The following FAM184A variants were observed in gnomAD, a reference collection of about 807,000 sequenced individuals.
The protein encoded by FAM184A is family with sequence similarity 184 member A.
A neutral mutation model predicts 143.8 loss-of-function variants in FAM184A; 99 were observed. The observed-to-expected ratio is 0.69, with a 90% CI of 0.58 to 0.81. The LOEUF is 0.81. Ranked by LOEUF, FAM184A falls within the 40% of genes least tolerant of loss-of-function variation. FAM184A has a pLI of 0.00. For synonymous variants in FAM184A, 427 were observed against 446.4 expected, an observed-to-expected ratio of 0.96 and a Z score of 0.55; for missense variants, 1,217 against 1,310.5, an observed-to-expected ratio of 0.93 and a Z score of 1.10.
chr6:119,130,054 A>T (rs1582641347), intron 1 of FAM184A, among the ~76,000 whole-genome samples: 1 of 146,174 alleles, frequency 6.8e-6, no homozygotes, highest in Admixed American at 6.8e-5. Flanking sequence ...ATTTTTTTTT[A>T]AAGATAGAGG....
intron 1 of FAM184A, among the ~76,000 whole-genome samples, chr6:119,141,056 A>C (rs1335345853): frequency 6.6e-6 from 1 of 152,208 alleles, no homozygotes; most frequent in Non-Finnish European, 1.5e-5. Context: ...GATAGGGACA[A>C]AGGAGAATGT....
intron 9 of FAM184A, among the ~76,000 whole-genome samples, chr6:118,991,154 T>C (rs573980184): frequency 6.6e-6 from 1 of 151,852 alleles, no homozygotes; most frequent in African/African-American, 2.4e-5. Flanking sequence ...TATTTTATTT[T>C]ATTTTTTAAT....
chr6:119,127,076 G>C (rs975190995), intron 1 of FAM184A, among the ~76,000 whole-genome samples: 1 of 152,156 alleles, frequency 6.6e-6, no homozygotes, highest in East Asian at 1.9e-4. Flanking sequence ...CAGGCCATGG[G>C]TGGTTTTGGA....
rs4027513 is a variant in FAM184A at position 118,961,667 on chromosome 6, GGTT to G, written c.3341+91_3341+93del. 4,610 of 1,005,292 alleles carry G rather than the reference GGTT, an allele frequency of 4.6e-3. 146 individuals carry two copies. In the African/African-American group the frequency reaches 0.067, roughly 15 times the overall value. 62.3% of individuals were successfully genotyped at this position (1,005,292 alleles called of 1,614,324 possible). On this transcript the variant is annotated intron_variant, in intron 17 of 17. Coordinates refer to ENST00000338891, the MANE Select transcript of FAM184A (RefSeq NM_024581.6). ...AAATATTTCATAGTAATTTTTCTTA[GGTT>G]GTTCTTAAAGTAGTGATTTCTGCAA... is the stretch of plus-strand genomic sequence containing the variant.
chr6:118,997,338 A>G (rs1178890694), intron 9 of FAM184A, among the ~76,000 whole-genome samples: 1 of 151,804 alleles, frequency 6.6e-6, no homozygotes, highest in Non-Finnish European at 1.5e-5. Flanking sequence ...AAAAAAAAAA[A>G]AAAATTAAAA....
intron 1 of FAM184A, among the ~76,000 whole-genome samples, chr6:119,146,347 G>T (rs1772425634): frequency 6.6e-6 from 1 of 151,660 alleles, no homozygotes; most frequent in Admixed American, 6.6e-5. Context: ...TGCTAGAAAT[G>T]AGAAAAATTA....
At chr6:118,998,447 C>T (rs1171942793) in intron 9 of FAM184A, among the ~76,000 whole-genome samples, 2 of 152,088 alleles carry the variant, frequency 1.3e-5, no homozygotes, top group South Asian at 2.1e-4. Flanking sequence ...GTCCAGGTCT[C>T]GTGGAACTTA....
intron 14 of FAM184A, among the ~76,000 whole-genome samples, chr6:118,973,410 C>T (rs1466901991): frequency 6.6e-6 from 1 of 152,056 alleles, no homozygotes; most frequent in Non-Finnish European, 1.5e-5. Flanking sequence ...TAGAGGACAA[C>T]ACAGGAAACC....
chr6:119,015,363 T>C (rs1785209880), intron 5 of FAM184A, among the ~76,000 whole-genome samples: 1 of 152,072 alleles, frequency 6.6e-6, no homozygotes, highest in East Asian at 1.9e-4. Flanking sequence ...CACGCAGCAC[T>C]TGCGGGCCAG....
intron 1 of FAM184A, among the ~76,000 whole-genome samples, chr6:119,095,455 G>C (rs1303902373): frequency 2.6e-5 from 4 of 152,114 alleles, no homozygotes; most frequent in Non-Finnish European, 5.9e-5. Context: ...AAAATCCAGT[G>C]GCCAGAGACA....
intron 7 of FAM184A, among the ~76,000 whole-genome samples, chr6:119,004,812 T>C (rs758918170): frequency 1.6e-4 from 24 of 152,192 alleles, no homozygotes; most frequent in Non-Finnish European, 3.5e-4. Context: ...AGAAGTACGA[T>C]GTAAATATGA....
intron 1 of FAM184A, among the ~76,000 whole-genome samples, chr6:119,102,449 C>G (rs945838148): frequency 1.3e-5 from 2 of 152,016 alleles, no homozygotes; most frequent in Admixed American, 1.3e-4. Flanking sequence ...CAGTATGTAT[C>G]AGGAAAGCAG....
intron 15 of FAM184A, among the ~76,000 whole-genome samples, chr6:118,965,839 A>G (rs1447917932): frequency 6.6e-6 from 1 of 152,234 alleles, no homozygotes; most frequent in African/African-American, 2.4e-5. Flanking sequence ...ATAGCTATTT[A>G]TATGGAACAG....
At chr6:119,090,536 C>G (rs1274211389) in intron 1 of FAM184A, among the ~76,000 whole-genome samples, 2 of 152,178 alleles carry the variant, frequency 1.3e-5, no homozygotes, top group Non-Finnish European at 2.9e-5. Flanking sequence ...AAAAGTATCT[C>G]CTACAATCTA....
intron 1 of FAM184A, among the ~76,000 whole-genome samples, chr6:119,137,046 A>G (rs1296784758): frequency 6.6e-6 from 1 of 152,238 alleles, no homozygotes; most frequent in Non-Finnish European, 1.5e-5. Context: ...TATTAGTGCT[A>G]CAAACATCTG....
At chr6:119,076,708 G>A (rs1056861869) in intron 1 of FAM184A, among the ~76,000 whole-genome samples, 1 of 152,160 alleles carries the variant, frequency 6.6e-6, no homozygotes, top group Non-Finnish European at 1.5e-5. Flanking sequence ...GAGAAAATCA[G>A]AATAAATATT....
At chr6:119,085,070 A>G (rs1338385567) in intron 1 of FAM184A, among the ~76,000 whole-genome samples, 4 of 152,246 alleles carry the variant, frequency 2.6e-5, no homozygotes, top group Admixed American at 2.0e-4. Context: ...TGTCTTGGCT[A>G]TCAGCATTTG....
At chr6:119,107,059 A>T (rs573621735) in intron 1 of FAM184A, among the ~76,000 whole-genome samples, 10 of 152,292 alleles carry the variant, frequency 6.6e-5, no homozygotes, top group Non-Finnish European at 1.2e-4. Flanking sequence ...ATTTGGGATA[A>T]ATCTATTATC....
upstream of FAM184A, among the ~76,000 whole-genome samples, chr6:119,083,296 C>G (rs940512932): frequency 6.6e-6 from 1 of 152,198 alleles, no homozygotes; most frequent in Non-Finnish European, 1.5e-5. Context: ...AGATATTTTC[C>G]CCATTGTCTT....
Sources: gnomAD v4.1 joint callset for allele counts (sites outside exome capture counted in the v4.1 genomes callset) on GRCh38, gnomAD v4.1.1 for gene constraint, MANE v1.5 for transcripts, NCBI Gene and HGNC (gene_info 2026-07-23, HGNC 2026-07-21) for gene names.